ARHGAP21: variants seen among roughly 807,000 people sequenced by gnomAD.
The protein encoded by ARHGAP21 is Rho GTPase activating protein 21, also known as rho GTPase-activating protein 21.
ARHGAP21 carries 38 observed loss-of-function variants against 164.6 expected under a neutral mutation model. The ratio of observed to expected loss-of-function variants is 0.23; its 90% CI spans 0.18 to 0.30. The LOEUF (loss-of-function observed/expected upper bound fraction) is 0.30, where lower values mean the gene tolerates loss of function less well. Among genes scored for constraint, ARHGAP21 ranks in the 10% least tolerant of loss-of-function variants. The pLI is 1.00. For missense variants in ARHGAP21, 1,822 were observed against 2,370.7 expected (o/e 0.77, Z 4.81); for synonymous variants, 766 against 857.9 (o/e 0.89, Z 1.87).
At chr10:24,638,976 T>C (rs2131403868) in intron 4 of ARHGAP21, among the ~76,000 whole-genome samples, 1 of 152,234 alleles carries the variant, frequency 6.6e-6, no homozygotes, top group East Asian at 1.9e-4. Flanking sequence ...ACGTCTACAA[T>C]GAAGTAAATA....
intron 25 of ARHGAP21, among the ~76,000 whole-genome samples, chr10:24,588,348 T>C (rs1043828594): frequency 6.6e-6 from 1 of 151,134 alleles, no homozygotes; most frequent in Admixed American, 6.6e-5. Flanking sequence ...TTGATGAATC[T>C]AGGGTAAAGG....
At chr10:24,671,385 C>T (rs375490932) in intron 2 of ARHGAP21, among the ~76,000 whole-genome samples, 11 of 152,156 alleles carry the variant, frequency 7.2e-5, no homozygotes, top group African/African-American at 2.4e-5. Flanking sequence ...ATGACTATTT[C>T]ATCCCTTTTC....
chr10:24,585,360 C>G lies in ARHGAP21; in HGVS notation c.4929G>C (p.Val1643=), dbSNP rs1143062. The change falls in exon 26 of 26, where the codon GTG becomes GTC. Residue 1643 remains valine, a synonymous_variant. Coordinates refer to ENST00000396432, the MANE Select transcript of ARHGAP21 (RefSeq NM_020824.4). ...TCTCTGAAGTCAAGGCTGTGGGGAACACGGGAAACTCGCTCTCGCTGTCGG... is the reference window on the plus strand; with the variant it reads ...TCTCTGAAGTCAAGGCTGTGGGGAAGACGGGAAACTCGCTCTCGCTGTCGG... The part of the protein sequence containing the change: ...VETDSESEFP[V]FPTALTSERL... 1.2e-6 allele frequency: 2 copies of G among 1,613,722 alleles called. No homozygotes were observed. The highest frequency in any genetic ancestry group is 1.7e-6 in the Non-Finnish European group (2 of 1,180,018).
At chr10:24,717,978 A>C (rs2132315154) in intron 2 of ARHGAP21, among the ~76,000 whole-genome samples, 1 of 152,276 alleles carries the variant, frequency 6.6e-6, no homozygotes, top group East Asian at 1.9e-4. Context: ...TCTGCCCATC[A>C]GGAGGATCAT....
Position 24,597,458 on chromosome 10 carries a change from A to G in ARHGAP21, c.3323T>C (p.Leu1108Pro). The G allele has an allele frequency of 6.2e-7, 1 of 1,612,956 alleles. No individual in the cohort carries two copies. Reference sequence around the variant, plus strand: ...GCTAACATCAATACCTTTACTGAGAAGTTTCCTTTCCGACTCTTCCTTCGG... The same window carrying G: ...GCTAACATCAATACCTTTACTGAGAGGTTTCCTTTCCGACTCTTCCTTCGG... ...HSPKEESERK[L>P]LSKDDTSPPK... Residue 1108 changes from leucine (L) to proline (P), a missense_variant, in exon 16 of 26, where the codon CTT becomes CCT. Physicochemically the swap from Leu to Pro is moderately conservative, Grantham distance 98. Transcript: ENST00000396432.
At chr10:24,610,134 TG>T (rs2077191388) in intron 9 of ARHGAP21, among the ~76,000 whole-genome samples, 1 of 152,198 alleles carries the variant, frequency 6.6e-6, no homozygotes, top group South Asian at 2.1e-4. Context: ...CTCAGCACTT[TG>T]GGAGGCCAAG....
intron 24 of ARHGAP21, chr10:24,590,300 T>C (rs1228553429): frequency 6.5e-7 from 1 of 1,534,170 alleles, no homozygotes; most frequent in Non-Finnish European, 8.7e-7. Context: ...AATAATCTTA[T>C]GAGAAACTTT....
Position 24,620,687 on chromosome 10 carries a change from A to G in ARHGAP21, c.1208T>C (p.Ile403Thr). The G allele has an allele frequency of 1.2e-6, 2 of 1,614,058 alleles. No individual in the cohort carries two copies. The highest frequency in any genetic ancestry group is 8.5e-7 in the Non-Finnish European group (1 of 1,179,928). ...TCTTTCTTGTATTGTCCGACAACCT[A>G]TGTGCAATCGTCTGTTATCAATATA... ...KEYIDNRRLH[I>T]GCRTIQERLD... Residue 403 changes from isoleucine (I) to threonine (T), a missense_variant, in exon 9 of 26, where the codon ATA becomes ACA. Around this residue, in one of 5 missense-constraint regions of ARHGAP21, gnomAD observed 1,090 missense variants for 1,378.9 expected, o/e 0.79. Coordinates refer to ENST00000396432, the MANE Select transcript of ARHGAP21 (RefSeq NM_020824.4).
chr10:24,633,970 T>C (rs1836115578), intron 5 of ARHGAP21, among the ~76,000 whole-genome samples: 1 of 143,750 alleles, frequency 7.0e-6, no homozygotes, highest in African/African-American at 2.5e-5. Flanking sequence ...CTCGGCTTAC[T>C]GCAACCTCTG....
chr10:24,590,059 G>A, intron 24 of ARHGAP21: 1 of 543,434 alleles, frequency 1.8e-6, no homozygotes, highest in African/African-American at 2.0e-5. Flanking sequence ...GAAGGGGCTA[G>A]CAATATTCAG....
chr10:24,591,390 T>A, intron 23 of ARHGAP21, 60 bp from the exon 24 acceptor site: 1 of 1,436,866 alleles, frequency 7.0e-7, no homozygotes, highest in African/African-American at 1.4e-5. Flanking sequence ...CTTTAAAATT[T>A]AAACAACATT....
chr10:24,653,607 C>G (rs1417099967), intron 4 of ARHGAP21, among the ~76,000 whole-genome samples: 1 of 151,932 alleles, frequency 6.6e-6, no homozygotes, highest in East Asian at 1.9e-4. Context: ...GAGACAAGGT[C>G]TCACTATTTG....
intron 3 of ARHGAP21, among the ~76,000 whole-genome samples, chr10:24,667,582 C>G (rs1339486100): frequency 6.6e-6 from 1 of 152,162 alleles, no homozygotes; most frequent in East Asian, 1.9e-4. Context: ...CTACCTCTAG[C>G]TGGAAAATTA....
chr10:24,641,722 A>C (rs1837038133), intron 4 of ARHGAP21, among the ~76,000 whole-genome samples: 1 of 152,172 alleles, frequency 6.6e-6, no homozygotes, highest in African/African-American at 2.4e-5. Context: ...CTGGCCAGGC[A>C]TGGTGGCTCA....
At chr10:24,599,794 T>TC (rs1315186733) in intron 14 of ARHGAP21, among the ~76,000 whole-genome samples, 1 of 152,122 alleles carries the variant, frequency 6.6e-6, no homozygotes, top group African/African-American at 2.4e-5. Context: ...ACCTTGATGA[T>TC]CATAAGCTGT....
intron 4 of ARHGAP21, chr10:24,648,856 C>T: frequency 1.0e-6 from 1 of 985,044 alleles, no homozygotes; most frequent in Non-Finnish European, 1.2e-6. Context: ...ATATCTGAGG[C>T]TCCCAAGTGT....
intron 9 of ARHGAP21, among the ~76,000 whole-genome samples, chr10:24,608,127 G>C (rs574192007): frequency 6.6e-6 from 1 of 152,266 alleles, no homozygotes; most frequent in Admixed American, 6.5e-5. Flanking sequence ...TAAATGAGCT[G>C]CTCTACCAAC....
At chr10:24,608,481 C>G (rs970705618) in intron 9 of ARHGAP21, among the ~76,000 whole-genome samples, 10 of 152,296 alleles carry the variant, frequency 6.6e-5, no homozygotes, top group African/African-American at 2.4e-4. Flanking sequence ...AATTCTAATA[C>G]TTGAGGCCAA....
Position 24,718,717 on chromosome 10 carries a change from C to T in ARHGAP21, c.63+3120G>A, listed in dbSNP as rs530853821. Among the ~76,000 whole-genome samples the T allele has an allele frequency of 2.6e-5, 4 of 152,218 alleles. No homozygotes were observed. The East Asian group carries it at 7.7e-4, about 29-fold the overall frequency. ...TTTACAGTATTTCAAAATCAACCAA[C>T]AAGTGTATTTCATCAGCCATAATAC... On this transcript the variant is annotated intron_variant, in intron 2 of 25. Coordinates refer to ENST00000396432, the MANE Select transcript of ARHGAP21 (RefSeq NM_020824.4).
Sources: gnomAD v4.1 joint callset for allele counts (sites outside exome capture counted in the v4.1 genomes callset) on GRCh38, gnomAD v4.1.1 for gene constraint, gnomAD v4.1.1 regional missense constraint, MANE v1.5 for transcripts, NCBI Gene and HGNC (gene_info 2026-07-23, HGNC 2026-07-21) for gene names.